Variants in ASTN2 observed in about 807,000 individuals in gnomAD.
The protein encoded by ASTN2 is astrotactin 2, also known as astrotactin-2.
ASTN2 carries 54 observed loss-of-function variants against 139.8 expected under a neutral mutation model. The observed-to-expected ratio is 0.39, with a 90% confidence interval of 0.31 to 0.48. The LOEUF (loss-of-function observed/expected upper bound fraction) is 0.48. ASTN2 is among the 20% of genes least tolerant of loss of function. ASTN2 has a pLI of 0.95. For synonymous variants in ASTN2, 756 were observed against 719.5 expected (o/e 1.05, Z -0.81); for missense variants, 1,565 against 1,725.1 (o/e 0.91, Z 1.64).
intron 12 of ASTN2, 142 bp from the exon 13 acceptor site, chr9:116,805,962 G>T (rs1831019643): frequency 3.9e-6 from 3 of 763,212 alleles, no homozygotes; most frequent in Non-Finnish European, 4.3e-6. Context: ...AATCTATCTA[G>T]GGCACAGATG....
At chr9:117,182,233 C>CAAA (rs34087415) in intron 3 of ASTN2, among the ~76,000 whole-genome samples, 1 of 117,004 alleles carries the variant, frequency 8.5e-6, no homozygotes, top group Non-Finnish European at 1.8e-5. Context: ...GCATGCCTTC[C>CAAA]AAAAAAAAAA....
At chr9:116,958,248 T>C (rs1012440255) in intron 10 of ASTN2, among the ~76,000 whole-genome samples, 1 of 152,192 alleles carries the variant, frequency 6.6e-6, no homozygotes, top group African/African-American at 2.4e-5. Flanking sequence ...TAAGAGCTCA[T>C]TGGGTTGTAC....
At chr9:117,182,404 C>G (rs892528007) in intron 3 of ASTN2, among the ~76,000 whole-genome samples, 5 of 151,998 alleles carry the variant, frequency 3.3e-5, no homozygotes, top group African/African-American at 1.2e-4. Flanking sequence ...ACTTTATATA[C>G]CACTGATCTG....
At chr9:117,320,683 C>G (rs1272177566) in intron 1 of ASTN2, among the ~76,000 whole-genome samples, 3 of 152,170 alleles carry the variant, frequency 2.0e-5, no homozygotes, top group Non-Finnish European at 4.4e-5. Context: ...CTCTGGGGAG[C>G]ATTCACGGAC....
rs111915043 is a variant in ASTN2, at chr9:116,809,901, A to T, written c.2208-4081T>A. Reference sequence around the variant, plus strand: ...GGGCCATGTAACTGGATTCTGAATAATGGAATCTATGCTGACATGATTCAA... The same window carrying T: ...GGGCCATGTAACTGGATTCTGAATATTGGAATCTATGCTGACATGATTCAA... On this transcript the variant is annotated intron_variant, in intron 12 of 22. Coordinates refer to ENST00000313400, the MANE Select transcript of ASTN2 (RefSeq NM_001365068.1). 5.2e-3 allele frequency among the ~76,000 whole-genome samples: 791 copies of T among 152,300 alleles called. 9 individuals carry two copies. Among genetic ancestry groups the T allele is most frequent in the African/African-American group, 0.018 (738 of 41,554 alleles).
chr9:116,730,322 T>C (rs1250299100), intron 14 of ASTN2, among the ~76,000 whole-genome samples: 2 of 152,214 alleles, frequency 1.3e-5, no homozygotes, highest in Admixed American at 6.5e-5. Context: ...TACTGCAGTA[T>C]TAAAGTTGTC....
chr9:116,795,526 C>G (rs536324746), intron 13 of ASTN2, among the ~76,000 whole-genome samples: 1 of 152,342 alleles, frequency 6.6e-6, no homozygotes, highest in Non-Finnish European at 1.5e-5. Flanking sequence ...TTCCACACTG[C>G]TAGCTGAGCT....
At chr9:116,483,622 T>C (rs1036091491) in intron 20 of ASTN2, among the ~76,000 whole-genome samples, 1 of 152,018 alleles carries the variant, frequency 6.6e-6, no homozygotes, top group Non-Finnish European at 1.5e-5. Context: ...GGAAGTCATA[T>C]AGAAAATACT....
rs563034789 is a variant in ASTN2 at position 116,996,720 on chromosome 9, C to T, written c.1591+11372G>A. On this transcript the variant is annotated intron_variant, in intron 7 of 22. Coordinates refer to ENST00000313400, the MANE Select transcript of ASTN2 (RefSeq NM_001365068.1). ...AAATATGGAACTCTTTACAACATGG[C>T]TTTATATCCTAATAACACTCTCAAT... is the stretch of plus-strand genomic sequence containing the variant. Among the ~76,000 whole-genome samples, 178 of 152,208 alleles carry T rather than the reference C, an allele frequency of 1.2e-3. 1 individual carries two copies. The highest frequency in any genetic ancestry group is 9.8e-3 in the South Asian group (47 of 4,816).
intron 10 of ASTN2, among the ~76,000 whole-genome samples, chr9:116,965,253 G>A (rs962128155): frequency 1.3e-5 from 2 of 152,156 alleles, no homozygotes; most frequent in Non-Finnish European, 2.9e-5. Flanking sequence ...CCTGTTAGAT[G>A]AATAAACTTA....
At chr9:116,802,177 C>T (rs1291913464) in intron 13 of ASTN2, among the ~76,000 whole-genome samples, 3 of 150,162 alleles carry the variant, frequency 2.0e-5, no homozygotes, top group African/African-American at 7.4e-5. Flanking sequence ...AGCTCCGCCT[C>T]CCGGGTTTAC....
chr9:117,295,246 C>T (rs1258696240), intron 1 of ASTN2, among the ~76,000 whole-genome samples: 13 of 152,034 alleles, frequency 8.6e-5, no homozygotes, highest in Non-Finnish European at 1.2e-4. Context: ...CGCTTGAACT[C>T]GGAAAGTGGA....
chr9:116,540,394 C>G (rs544239689), intron 19 of ASTN2: 1 of 152,334 alleles, frequency 6.6e-6, no homozygotes, highest in Non-Finnish European at 1.5e-5. Flanking sequence ...AGTTTTCCCT[C>G]TAATTATATG....
At chr9:117,344,433 C>T (rs554996619) in intron 1 of ASTN2, among the ~76,000 whole-genome samples, 87 of 152,118 alleles carry the variant, frequency 5.7e-4, no homozygotes, top group Admixed American at 1.4e-3. Flanking sequence ...ATTCCCAGGA[C>T]CCTGGGAGTT....
intron 3 of ASTN2, among the ~76,000 whole-genome samples, chr9:117,191,230 A>C (rs1330023244): frequency 2.7e-5 from 4 of 150,842 alleles, no homozygotes; most frequent in South Asian, 4.2e-4. Context: ...AAAATAGCAA[A>C]AAAAAAAAAA....
At chr9:116,614,889 A>G (rs183204915) in intron 19 of ASTN2, among the ~76,000 whole-genome samples, 2 of 152,312 alleles carry the variant, frequency 1.3e-5, no homozygotes, top group East Asian at 3.9e-4. Context: ...TAATTAAACT[A>G]AAGAGCTTCT....
At chr9:116,525,893 T>G (rs1031763444) in intron 19 of ASTN2, among the ~76,000 whole-genome samples, 2 of 152,156 alleles carry the variant, frequency 1.3e-5, no homozygotes, top group African/African-American at 4.8e-5. Flanking sequence ...AAACCATCCC[T>G]TACAGATTCA....
intron 20 of ASTN2, among the ~76,000 whole-genome samples, chr9:116,446,178 G>A (rs1335816576): frequency 2.6e-5 from 4 of 151,016 alleles, no homozygotes; most frequent in Non-Finnish European, 1.5e-5. Context: ...TATACCACAA[G>A]CAAATCCATA....
chr9:117,037,779 C>G (rs1398642307), intron 6 of ASTN2, among the ~76,000 whole-genome samples: 1 of 152,146 alleles, frequency 6.6e-6, no homozygotes, highest in Non-Finnish European at 1.5e-5. Context: ...TTTTCCACCT[C>G]AGTGTTCATC....
Sources: allele counts gnomAD v4.1 joint callset (sites outside exome capture counted in the v4.1 genomes callset), GRCh38; gene constraint gnomAD v4.1.1; transcripts MANE v1.5; gene names NCBI Gene and HGNC (gene_info 2026-07-23, HGNC 2026-07-21).